The following CHN1 variants were observed in gnomAD, a reference collection of about 807,000 sequenced individuals.
The protein encoded by CHN1 is chimerin 1.
CHN1 carries 37 observed loss-of-function variants against 59.5 expected under a neutral mutation model. The ratio of observed to expected loss-of-function variants is 0.62; its 90% CI spans 0.48 to 0.82. The LOEUF (loss-of-function observed/expected upper bound fraction) is 0.82, where lower values mean the gene tolerates loss of function less well. Ranked by LOEUF, CHN1 falls within the 40% of genes least tolerant of loss-of-function variation. CHN1 has a pLI of 0.00. For missense variants in CHN1, 469 were observed against 571.0 expected (o/e 0.82, Z 1.82); for synonymous variants, 206 against 200.4 (o/e 1.03, Z -0.24).
At chr2:174,927,354 G>A (rs1390604963) in intron 3 of CHN1, among the ~76,000 whole-genome samples, 1 of 151,992 alleles carries the variant, frequency 6.6e-6, no homozygotes, top group East Asian at 1.9e-4. Context: ...CACCATGCTG[G>A]GCCTATTTTC....
At chr2:174,850,009 G>C (rs1479286965) in intron 6 of CHN1, among the ~76,000 whole-genome samples, 1 of 152,192 alleles carries the variant, frequency 6.6e-6, no homozygotes, top group Non-Finnish European at 1.5e-5. Flanking sequence ...ATTATCAATG[G>C]ATGGTAAGAA....
chr2:174,963,206 G>C (rs932507786), intron 1 of CHN1, among the ~76,000 whole-genome samples: 1 of 152,056 alleles, frequency 6.6e-6, no homozygotes, highest in African/African-American at 2.4e-5. Context: ...TGCCTTCAAT[G>C]GCAGTAACAA....
intron 6 of CHN1, among the ~76,000 whole-genome samples, chr2:174,863,145 CT>C (rs1443338733): frequency 6.6e-6 from 1 of 152,162 alleles, no homozygotes; most frequent in East Asian, 1.9e-4. Context: ...ACAAATGTGA[CT>C]TTTTGATATT....
intron 1 of CHN1, among the ~76,000 whole-genome samples, chr2:175,000,453 GTTTGT>G (rs1691856196): frequency 6.6e-6 from 1 of 150,976 alleles, no homozygotes; most frequent in East Asian, 1.9e-4. Flanking sequence ...TTTTTTGTTT[GTTTGT>G]TTTGAGACAA....
intron 3 of CHN1, among the ~76,000 whole-genome samples, chr2:174,930,310 T>C (rs757841468): frequency 2.6e-5 from 4 of 152,170 alleles, no homozygotes; most frequent in Admixed American, 6.5e-5. Flanking sequence ...TTGGTGATTA[T>C]TGCAGAGAAG....
At chr2:174,910,402 T>C (rs539031704) in intron 5 of CHN1, among the ~76,000 whole-genome samples, 1 of 152,200 alleles carries the variant, frequency 6.6e-6, no homozygotes, top group South Asian at 2.1e-4. Flanking sequence ...TTTTTTTTTT[T>C]AATTTCCAAG....
intron 1 of CHN1, among the ~76,000 whole-genome samples, chr2:174,970,452 A>G (rs1190263326): frequency 6.6e-6 from 1 of 152,244 alleles, no homozygotes. Context: ...CAAGCTTTCA[A>G]GTGGAAATAA....
At chr2:174,925,273 G>C (rs1689136991) in intron 3 of CHN1, among the ~76,000 whole-genome samples, 2 of 152,130 alleles carry the variant, frequency 1.3e-5, no homozygotes, top group South Asian at 4.1e-4. Context: ...TTGAAATAGA[G>C]ATTATAAGGC....
chr2:174,887,476 A>C (rs1461987655), intron 5 of CHN1, among the ~76,000 whole-genome samples: 1 of 152,136 alleles, frequency 6.6e-6, no homozygotes, highest in Non-Finnish European at 1.5e-5. Context: ...TAATCCCTCC[A>C]GTGTCTCTAG....
At chr2:174,895,225 C>T (rs1012542724) in intron 5 of CHN1, among the ~76,000 whole-genome samples, 5 of 150,876 alleles carry the variant, frequency 3.3e-5, no homozygotes, top group African/African-American at 7.3e-5. Flanking sequence ...CACACACACA[C>T]ACACACACAC....
At chr2:174,938,318 C>T (rs1689558174) in intron 3 of CHN1, among the ~76,000 whole-genome samples, 1 of 152,202 alleles carries the variant, frequency 6.6e-6, no homozygotes, top group Admixed American at 6.5e-5. Context: ...TAGATCAACT[C>T]TATCCCACTA....
intron 1 of CHN1, among the ~76,000 whole-genome samples, chr2:174,998,535 C>G (rs1001768620): frequency 6.6e-6 from 1 of 152,000 alleles, no homozygotes; most frequent in African/African-American, 2.4e-5. Context: ...CCAAAGGAAT[C>G]GAAAGGTCAG....
chr2:174,986,437 A>C (rs1208439423), intron 1 of CHN1, among the ~76,000 whole-genome samples: 3 of 152,214 alleles, frequency 2.0e-5, no homozygotes, highest in Non-Finnish European at 4.4e-5. Context: ...TTAAGAGTTA[A>C]GATACATAGT....
At chr2:174,865,678 T>C (rs1378727) in intron 6 of CHN1, among the ~76,000 whole-genome samples, 73,000 of 151,988 alleles carry the variant, frequency 0.48, 18,238 homozygotes, top group African/African-American at 0.6. Context: ...CTTTCAATGT[T>C]CTAAGGCCAA....
intron 1 of CHN1, 141 bp from the exon 2 acceptor site, chr2:174,952,343 GT>G (rs145037630): frequency 3.4e-4 from 150 of 444,780 alleles, no homozygotes; most frequent in Non-Finnish European, 3.9e-4. Flanking sequence ...GCATTCAAGG[GT>G]TTTTTTTTAG....
chr2:174,808,864 G>A (rs769840843), intron 11 of CHN1, 41 bp downstream of exon 11: 2 of 1,605,716 alleles, frequency 1.2e-6, no homozygotes, highest in Non-Finnish European at 1.7e-6. Context: ...TTACCAAGAG[G>A]ACGTTGTCAG....
At chr2:174,955,327 T>G (rs1002662385) in intron 1 of CHN1, among the ~76,000 whole-genome samples, 1 of 151,756 alleles carries the variant, frequency 6.6e-6, no homozygotes, top group African/African-American at 2.4e-5. Context: ...TTGCAGCAGT[T>G]CAGGTGAACT....
intron 5 of CHN1, among the ~76,000 whole-genome samples, chr2:174,898,886 G>A (rs888366617): frequency 6.6e-5 from 10 of 152,024 alleles, no homozygotes; most frequent in Non-Finnish European, 1.5e-4. Context: ...AAATATTCCC[G>A]ATTACCTAGT....
At chr2:174,895,558 A>G (rs141604726) in intron 5 of CHN1, among the ~76,000 whole-genome samples, 771 of 152,222 alleles carry the variant, frequency 5.1e-3, no homozygotes, top group Non-Finnish European at 7.7e-3. Flanking sequence ...TATTAAGTTA[A>G]AAAAGATAAA....
Sources: gnomAD v4.1 joint callset for allele counts (sites outside exome capture counted in the v4.1 genomes callset) on GRCh38, gnomAD v4.1.1 for gene constraint, MANE v1.5 for transcripts, NCBI Gene and HGNC (gene_info 2026-07-23, HGNC 2026-07-21) for gene names.